RNF144A: variants seen among roughly 807,000 people sequenced by gnomAD.
RNF144A encodes the protein E3 ubiquitin-protein ligase RNF144A.
In RNF144A, 11 loss-of-function variants were observed where a neutral mutation model predicts 38.7. The ratio of observed to expected loss-of-function variants is 0.28; its 90% CI spans 0.18 to 0.47. RNF144A has a LOEUF of 0.47. Ranked by LOEUF, RNF144A falls within the 20% of genes least tolerant of loss-of-function variation. The probability of loss-of-function intolerance (pLI) is 0.99; values close to 1 mark genes in which losing one functional copy is unlikely to be tolerated. For missense variants in RNF144A, 316 were observed against 377.2 expected (o/e 0.84, Z 1.34); for synonymous variants, 149 against 143.9 (o/e 1.04, Z -0.25).
At chr2:7,033,927 C>T (rs999003282) in intron 8 of RNF144A, among the ~76,000 whole-genome samples, 3 of 152,202 alleles carry the variant, frequency 2.0e-5, no homozygotes, top group African/African-American at 4.8e-5. Flanking sequence ...CTCCACAGGG[C>T]TAATGGTCCT....
At chr2:6,960,980 G>C (rs183223311) in intron 2 of RNF144A, among the ~76,000 whole-genome samples, 3 of 152,148 alleles carry the variant, frequency 2.0e-5, no homozygotes, top group African/African-American at 7.2e-5. Context: ...GTGTGTGTAC[G>C]TGTGTGTGTT....
intron 3 of RNF144A, among the ~76,000 whole-genome samples, chr2:6,997,394 AT>A (rs1419740851): frequency 2.0e-5 from 3 of 152,266 alleles, no homozygotes; most frequent in African/African-American, 7.2e-5. Context: ...ATGTATTTTA[AT>A]AGTCACATGT....
rs1672973440 is a variant in RNF144A at position 7,040,374 on chromosome 2, T to C, written c.*614T>C. On this transcript the variant is annotated 3_prime_UTR_variant, in exon 9 of 9. Transcript: ENST00000320892. ...ACTTTTCAGGAGATTTAGAAAGCCT[T>C]ATGCACTCTTTGTGTTTTTCTTGAA... 1.0e-6 allele frequency: 1 copy of C among 985,490 alleles called. No individual in the cohort carries two copies. Among genetic ancestry groups the C allele is most frequent in the Non-Finnish European group, 1.2e-6 (1 of 829,966 alleles). The allele number at this position is 985,490 out of a possible 1,614,324, so 61.0% of individuals were successfully genotyped here.
At chr2:7,022,476 A>G (rs1035800733) in intron 6 of RNF144A, among the ~76,000 whole-genome samples, 1 of 152,230 alleles carries the variant, frequency 6.6e-6, no homozygotes, top group African/African-American at 2.4e-5. Context: ...TGTCTATTCC[A>G]TGCAAAATTT....
downstream of RNF144A, among the ~76,000 whole-genome samples, chr2:7,047,221 G>T (rs1459883026): frequency 6.6e-6 from 1 of 152,140 alleles, no homozygotes; most frequent in East Asian, 1.9e-4. Flanking sequence ...GGGTGTGTGT[G>T]TGCAAGAGCC....
chr2:7,033,303 G>T (rs576550521), intron 8 of RNF144A, among the ~76,000 whole-genome samples: 5 of 152,250 alleles, frequency 3.3e-5, no homozygotes, highest in African/African-American at 4.8e-5. Context: ...CTGCAGGCCC[G>T]TGCCCCATGC....
rs1423745215 is a variant in RNF144A at position 7,039,834 on chromosome 2, C to G, written c.*74C>G. 1.1e-5 allele frequency: 17 copies of G among 1,568,420 alleles called. No homozygotes were observed. The highest frequency in any genetic ancestry group is 3.6e-5 in the Admixed American group (2 of 55,462). ...TCCCCCAACCCTCCCCACCGTCCCC[C>G]CTTCACTAAACATCTTTCTTGCCTT... On this transcript the variant is annotated 3_prime_UTR_variant, in exon 9 of 9. Transcript: ENST00000320892.
At chr2:6,922,614 TTTC>T (rs1174337194) in intron 1 of RNF144A, among the ~76,000 whole-genome samples, 1 of 151,442 alleles carries the variant, frequency 6.6e-6, no homozygotes, top group Non-Finnish European at 1.5e-5. Flanking sequence ...CCGCCCGGTT[TTTC>T]TTGTTTTTCT....
At chr2:7,017,345 CAGAG>C (rs1225739491) in intron 5 of RNF144A, among the ~76,000 whole-genome samples, 1 of 147,242 alleles carries the variant, frequency 6.8e-6, no homozygotes, top group Non-Finnish European at 1.5e-5. Flanking sequence ...AAGTAAAGCT[CAGAG>C]AGATTAAATA....
rs1206051109 is a variant in RNF144A at position 6,917,984 on chromosome 2, G to A, written c.-212+362G>A. 6.6e-6 allele frequency among the ~76,000 whole-genome samples: 1 copy of A among 151,654 alleles called. No homozygotes were observed. Among genetic ancestry groups the A allele is most frequent in the Non-Finnish European group, 1.5e-5 (1 of 67,836 alleles). Reference sequence around the variant, plus strand: ...CGGTCGCGGGTCTGCGCTGCGGCGCGGGACAGGGCGCCCCGGGCCAGGGTC... The same window carrying A: ...CGGTCGCGGGTCTGCGCTGCGGCGCAGGACAGGGCGCCCCGGGCCAGGGTC... On this transcript the variant is annotated intron_variant, in intron 1 of 8. Coordinates refer to ENST00000320892, the MANE Select transcript of RNF144A (RefSeq NM_014746.6). This position sits in a 1 kb window ranked among gnomAD's most constrained non-coding sequence, Gnocchi z 4.8.
At chr2:7,003,154 A>T (rs1341743582) in intron 3 of RNF144A, among the ~76,000 whole-genome samples, 2 of 152,220 alleles carry the variant, frequency 1.3e-5, no homozygotes, top group African/African-American at 4.8e-5. Flanking sequence ...GCTAAATGTT[A>T]TGAGAATAAA....
intron 2 of RNF144A, among the ~76,000 whole-genome samples, chr2:6,942,838 G>C (rs1413498564): frequency 1.3e-5 from 2 of 152,204 alleles, no homozygotes; most frequent in African/African-American, 4.8e-5. Context: ...ATAAAAATCA[G>C]CTGAGAGTTG....
intron 7 of RNF144A, among the ~76,000 whole-genome samples, chr2:7,027,979 G>GT (rs1672027587): frequency 7.7e-6 from 1 of 130,138 alleles, no homozygotes; most frequent in Non-Finnish European, 1.6e-5. Context: ...TGAGATGAGG[G>GT]TGGGGGGCGG....
At chr2:7,011,167 G>A (rs1470429254) in intron 3 of RNF144A, among the ~76,000 whole-genome samples, 2 of 152,018 alleles carry the variant, frequency 1.3e-5, no homozygotes, top group Non-Finnish European at 2.9e-5. Flanking sequence ...ATATATTTGA[G>A]GTTTATAACA....
At chr2:6,984,566 T>A (rs527547958) in intron 2 of RNF144A, among the ~76,000 whole-genome samples, 2 of 152,226 alleles carry the variant, frequency 1.3e-5, no homozygotes, top group Non-Finnish European at 2.9e-5. Flanking sequence ...CCTCCCAAAG[T>A]GCTGGAATTA....
At chr2:7,009,932 T>G (rs907962386) in intron 3 of RNF144A, among the ~76,000 whole-genome samples, 1 of 152,274 alleles carries the variant, frequency 6.6e-6, no homozygotes, top group Admixed American at 6.5e-5. Context: ...TCTACTCATC[T>G]TTGTGTCCTT....
intron 1 of RNF144A, among the ~76,000 whole-genome samples, chr2:6,935,537 A>G (rs1665515736): frequency 1.3e-5 from 2 of 152,192 alleles, no homozygotes; most frequent in South Asian, 4.1e-4. Flanking sequence ...GGGTGAGCTC[A>G]TTTGGCTTCC....
At chr2:7,045,465 C>A (rs1167135615), downstream of RNF144A, among the ~76,000 whole-genome samples, 1 of 152,122 alleles carries the variant, frequency 6.6e-6, no homozygotes, top group Non-Finnish European at 1.5e-5. Flanking sequence ...TGCTGGCAGT[C>A]CTGGGTGTTC....
Position 7,040,938 on chromosome 2 carries a change from A to C in RNF144A, c.*1178A>C. On this transcript the variant is annotated 3_prime_UTR_variant, in exon 9 of 9. Coordinates refer to ENST00000320892, the MANE Select transcript of RNF144A (RefSeq NM_014746.6). ...TGGGGATTTTACCACTTGATCTTTT[A>C]CAGGGCTGTCTGTGACCATTTCCAT... The C allele has an allele frequency of 2.0e-6, 2 of 985,484 alleles. No homozygotes were observed. Among genetic ancestry groups the C allele is most frequent in the Non-Finnish European group, 2.4e-6 (2 of 829,940 alleles). 61.0% of individuals were successfully genotyped at this position (985,484 alleles called of 1,614,324 possible). A position where few individuals can be genotyped will look rare whatever the true frequency, so the allele number is the denominator to read the frequency against.
Sources: gnomAD v4.1 joint callset for allele counts (sites outside exome capture counted in the v4.1 genomes callset) on GRCh38, gnomAD v4.1.1 for gene constraint, Gnocchi (gnomAD v3.1) non-coding constraint, MANE v1.5 for transcripts, NCBI Gene and HGNC (gene_info 2026-07-23, HGNC 2026-07-21) for gene names.